SEPTIN10: variants seen among roughly 807,000 people sequenced by gnomAD.
SEPTIN10 encodes the protein septin-10.
In SEPTIN10, 66 loss-of-function variants were observed where a neutral mutation model predicts 54.8. The observed-to-expected ratio is 1.21, with a 90% CI of 0.99 to 1.48. The LOEUF (loss-of-function observed/expected upper bound fraction) is 1.48. Ranked by LOEUF, SEPTIN10 falls within the 40% of genes most tolerant of loss-of-function variation. The probability of loss-of-function intolerance (pLI) is 0.00; values close to 1 mark genes in which losing one functional copy is unlikely to be tolerated. For synonymous variants in SEPTIN10, 161 were observed against 181.0 expected, an observed-to-expected ratio of 0.89 and a Z score of 0.89; for missense variants, 620 against 545.6, an observed-to-expected ratio of 1.14 and a Z score of -1.36.
intron 1 of SEPTIN10, among the ~76,000 whole-genome samples, chr2:109,601,834 A>G (rs369700256): frequency 5.9e-5 from 9 of 152,206 alleles, no homozygotes; most frequent in African/African-American, 2.2e-4. Flanking sequence ...ATACTCTACA[A>G]GTTACTTTCT....
At chr2:109,553,310 CG>C in intron 8 of SEPTIN10, 91 bp from the exon 9 acceptor site, 5 of 1,347,950 alleles carry the variant, frequency 3.7e-6, no homozygotes, top group Non-Finnish European at 5.1e-6. Context: ...TTTGGGAGGC[CG>C]AGGCAGGTGG....
chr2:109,549,462 C>A (rs912468763), intron 9 of SEPTIN10, among the ~76,000 whole-genome samples: 8 of 152,202 alleles, frequency 5.3e-5, no homozygotes, highest in Admixed American at 6.5e-5. Context: ...CACTGGGTGG[C>A]ATTTCCAGCT....
At chr2:109,548,177 C>CAAAAAA (rs36031306) in intron 9 of SEPTIN10, among the ~76,000 whole-genome samples, 1 of 145,676 alleles carries the variant, frequency 6.9e-6, no homozygotes, top group Non-Finnish European at 1.5e-5. Context: ...TGGCTTACCT[C>CAAAAAA]AAAAAAAAAA....
rs1680424479 is a variant in SEPTIN10, at chr2:109,543,394, ACCACAG to A, written c.*909_*914del. On this transcript the variant is annotated 3_prime_UTR_variant, in exon 11 of 11. Coordinates refer to ENST00000397712, the MANE Select transcript of SEPTIN10 (RefSeq NM_144710.5). Reference sequence around the variant, plus strand: ...TTAACTTTTAAAGATATTTTGTTTCACCACAGTAATACGTCAGCCATAATAAGGCAT... The same window carrying A: ...TTAACTTTTAAAGATATTTTGTTTCATAATACGTCAGCCATAATAAGGCAT... 2 of 152,184 alleles carry A rather than the reference ACCACAG, an allele frequency of 1.3e-5. No individual in the cohort carries two copies. Among genetic ancestry groups the A allele is most frequent in the Non-Finnish European group, 2.9e-5 (2 of 68,024 alleles). 9.4% of individuals were successfully genotyped at this position (152,184 alleles called of 1,614,324 possible). A position where few individuals can be genotyped will look rare whatever the true frequency, so the allele number is the denominator to read the frequency against.
rs558985804 is a variant in SEPTIN10 at position 109,592,047 on chromosome 2, A to T, written c.99+1004T>A. On this transcript the variant is annotated intron_variant, in intron 2 of 10. Coordinates refer to ENST00000397712, the MANE Select transcript of SEPTIN10 (RefSeq NM_144710.5). ...TGAATTACCAAACCCCTCCCCACAG[A>T]CCCTTAGAAGCATAAGGTGTAATCT... 3.9e-5 allele frequency among the ~76,000 whole-genome samples: 6 copies of T among 152,292 alleles called. 1 individual carries two copies. The highest frequency in any genetic ancestry group is 1.4e-4 in the African/African-American group (6 of 41,546).
intron 9 of SEPTIN10, among the ~76,000 whole-genome samples, chr2:109,551,021 T>A (rs1682799708): frequency 6.6e-6 from 1 of 152,234 alleles, no homozygotes; most frequent in Non-Finnish European, 1.5e-5. Context: ...CTGTACTTTT[T>A]CTTAAAGTGG....
chr2:109,581,376 G>T (rs572260574), intron 4 of SEPTIN10, among the ~76,000 whole-genome samples: 85 of 152,100 alleles, frequency 5.6e-4, no homozygotes, highest in African/African-American at 2.0e-3. Context: ...GGCGGAGGTT[G>T]CAGTGAGCCG....
chr2:109,583,998 G>A (rs555775769), intron 4 of SEPTIN10, among the ~76,000 whole-genome samples: 34 of 152,236 alleles, frequency 2.2e-4, no homozygotes, highest in African/African-American at 7.7e-4. Flanking sequence ...AGAGTGGGAA[G>A]GAAGATACCC....
At chr2:109,598,685 A>G (rs561788510) in intron 1 of SEPTIN10, among the ~76,000 whole-genome samples, 68 of 152,024 alleles carry the variant, frequency 4.5e-4, no homozygotes, top group African/African-American at 1.6e-3. Context: ...TCTACTAAAA[A>G]TACAAAAATT....
chr2:109,546,254 A>C lies in SEPTIN10; in HGVS notation c.1162-17T>G. 1 of 1,519,838 alleles carries C rather than the reference A, an allele frequency of 6.6e-7. No individual in the cohort carries two copies. The highest frequency in any genetic ancestry group is 1.4e-5 in the African/African-American group (1 of 70,932). The allele number at this position is 1,519,838 out of a possible 1,614,324, so 94.1% of individuals were successfully genotyped here. On this transcript the variant is annotated splice_polypyrimidine_tract_variant and intron_variant, in intron 9 of 10. Transcript: ENST00000397712. ...GGCCTGTAGCTGGAAACAAAAGTGCAATCCCCACTACTGACACAGCGCGGC... is the reference window on the plus strand; with the variant it reads ...GGCCTGTAGCTGGAAACAAAAGTGCCATCCCCACTACTGACACAGCGCGGC...
In SEPTIN10 at chr2:109,564,437, A is replaced by G. The variant is rs1409777680; in HGVS notation, c.957T>C (p.Tyr319=). The G allele has an allele frequency of 6.3e-7, 1 of 1,596,888 alleles. No homozygotes were observed. Among genetic ancestry groups the G allele is most frequent in the Non-Finnish European group, 8.6e-7 (1 of 1,168,898 alleles). The part of the protein sequence containing the change: ...DLREQTHTRH[Y]ELYRRCKLEE... The stretch of plus-strand genomic sequence containing the variant: ...CCAGTTTGCAGCGCCTGTAAAGCTC[A>G]TAGTGCCTGGTATGGGTCTGCTCTC... Residue 319 remains tyrosine, a synonymous_variant, in exon 8 of 11, where the codon TAT becomes TAC. Transcript: ENST00000397712.
At chr2:109,561,880 TCCATCACTGTAATC>T (rs1334503106) in intron 8 of SEPTIN10, among the ~76,000 whole-genome samples, 3 of 152,130 alleles carry the variant, frequency 2.0e-5, no homozygotes, top group African/African-American at 7.2e-5. Context: ...CCAGGTGTGA[TCCATCACTGTAATC>T]CCATCACTTC....
At chr2:109,567,415 T>C (rs1687290898) in intron 6 of SEPTIN10, among the ~76,000 whole-genome samples, 1 of 152,192 alleles carries the variant, frequency 6.6e-6, no homozygotes, top group African/African-American at 2.4e-5. Flanking sequence ...GGAGCATAAA[T>C]ACTAGTTTTA....
intron 7 of SEPTIN10, among the ~76,000 whole-genome samples, chr2:109,565,499 C>A (rs1686763630): frequency 6.6e-6 from 1 of 152,176 alleles, no homozygotes; most frequent in Admixed American, 6.5e-5. Flanking sequence ...ACACTACTTT[C>A]CACATTCACA....
chr2:109,585,143 T>A lies in SEPTIN10; in HGVS notation c.396A>T (p.Gln132His). ...TIVNTVGFGD[Q>H]INKEESYQPI... ...ACACATACCTCTCTTCTTTATTTAT[T>A]TGGTCACCAAATCCCACTGTATTCA... The change falls in exon 4 of 11, where the codon CAA becomes CAT. Residue 132 changes from glutamine (Q) to histidine (H), a missense_variant. Physicochemically the swap from Gln to His is conservative, Grantham distance 24. Coordinates refer to ENST00000397712, the MANE Select transcript of SEPTIN10 (RefSeq NM_144710.5). 6.3e-7 allele frequency: 1 copy of A among 1,579,266 alleles called. No homozygotes were observed. The highest frequency in any genetic ancestry group is 2.3e-5 in the East Asian group (1 of 44,184).
chr2:109,557,421 A>G (rs554140257), intron 8 of SEPTIN10, among the ~76,000 whole-genome samples: 6 of 152,302 alleles, frequency 3.9e-5, no homozygotes, highest in African/African-American at 1.4e-4. Flanking sequence ...CATTCTAAAT[A>G]AGAAAACTAA....
chr2:109,546,830 C>G (rs1158932945), intron 9 of SEPTIN10, among the ~76,000 whole-genome samples: 1 of 152,030 alleles, frequency 6.6e-6, no homozygotes, highest in Admixed American at 6.6e-5. Context: ...AAATACTCAT[C>G]ATAGTAGAAT....
intron 2 of SEPTIN10, among the ~76,000 whole-genome samples, chr2:109,590,179 A>C (rs1000362439): frequency 4.6e-5 from 7 of 152,006 alleles, no homozygotes; most frequent in Non-Finnish European, 8.8e-5. Flanking sequence ...AGTGGTTACC[A>C]GTCAGCAGTA....
At chr2:109,575,636 C>T (rs1352984308) in intron 4 of SEPTIN10, among the ~76,000 whole-genome samples, 1 of 152,186 alleles carries the variant, frequency 6.6e-6, no homozygotes, top group Non-Finnish European at 1.5e-5. Context: ...TAAACCACTG[C>T]CTTTGCAATT....
Sources: allele counts gnomAD v4.1 joint callset (sites outside exome capture counted in the v4.1 genomes callset), GRCh38; gene constraint gnomAD v4.1.1; transcripts MANE v1.5; gene names NCBI Gene and HGNC (gene_info 2026-07-23, HGNC 2026-07-21).